Variants in UTRN observed in about 807,000 individuals in gnomAD.
UTRN encodes the protein utrophin.
UTRN carries 283 observed loss-of-function variants against 463.9 expected under a neutral mutation model. That is an observed-to-expected ratio of 0.61 (90% CI 0.55 to 0.67). UTRN has a LOEUF of 0.67. UTRN is among the 30% of genes least tolerant of loss of function. The probability of loss-of-function intolerance (pLI) is 0.00; values close to 1 mark genes in which losing one functional copy is unlikely to be tolerated. For missense variants in UTRN, 3,922 were observed against 4,084.3 expected, an observed-to-expected ratio of 0.96 and a Z score of 1.08; for synonymous variants, 1,442 against 1,431.5, an observed-to-expected ratio of 1.01 and a Z score of -0.17.
At chr6:144,639,095 T>G (rs76994076) in intron 51 of UTRN, among the ~76,000 whole-genome samples, 5 of 122,866 alleles carry the variant, frequency 4.1e-5, no homozygotes, top group Non-Finnish European at 9.2e-5. Flanking sequence ...ATAATAAAAA[T>G]AAAAGAAAAG....
intron 2 of UTRN, among the ~76,000 whole-genome samples, chr6:144,318,832 C>A (rs73588920): frequency 0.14 from 20,815 of 152,082 alleles, 4,212 homozygotes; most frequent in African/African-American, 0.44. Flanking sequence ...GCACTTTGGC[C>A]GGCGTAGGCA....
At chr6:144,830,519 A>G (rs911394439) in intron 69 of UTRN, among the ~76,000 whole-genome samples, 1 of 152,160 alleles carries the variant, frequency 6.6e-6, no homozygotes, top group Non-Finnish European at 1.5e-5. Context: ...AAACAAAAGT[A>G]ATTCTCAAAA....
At chr6:144,315,208 T>G (rs1775203673) in intron 2 of UTRN, among the ~76,000 whole-genome samples, 1 of 152,122 alleles carries the variant, frequency 6.6e-6, no homozygotes, top group Non-Finnish European at 1.5e-5. Context: ...TGCCATAGGA[T>G]GTAATTATCC....
intron 51 of UTRN, among the ~76,000 whole-genome samples, chr6:144,595,261 C>T (rs993382031): frequency 6.6e-6 from 1 of 152,134 alleles, no homozygotes; most frequent in African/African-American, 2.4e-5. Context: ...ATTTGCTATG[C>T]AGAGCTGGAG....
chr6:144,660,510 A>G (rs1221737879), intron 51 of UTRN, among the ~76,000 whole-genome samples: 2 of 152,144 alleles, frequency 1.3e-5, no homozygotes, highest in African/African-American at 4.8e-5. Context: ...AGAATTCCAC[A>G]TCAGAAGAAA....
intron 51 of UTRN, among the ~76,000 whole-genome samples, chr6:144,657,360 C>T (rs557981217): frequency 1.3e-5 from 2 of 151,452 alleles, no homozygotes; most frequent in Non-Finnish European, 2.9e-5. Flanking sequence ...TAAGTGTCAT[C>T]GTTTCTACCT....
Position 144,514,751 on chromosome 6 carries a change from T to G in UTRN, c.5175T>G (p.Leu1725=), listed in dbSNP as rs559810789. 1 of 1,614,182 alleles carries G rather than the reference T, an allele frequency of 6.2e-7. No homozygotes were observed. Among genetic ancestry groups the G allele is most frequent in the East Asian group, 2.2e-5 (1 of 44,876 alleles). The part of the protein sequence containing the change: ...MNARGSSSRE[L]VEPKLAELNR... ...CCCGTGGAAGCTCAAGCAGGGAGCT[T>G]GTAGAACCAAAGTTAGCTGAGCTGA... Residue 1725 remains leucine, a synonymous_variant, in exon 37 of 75, where the codon CTT becomes CTG. Coordinates refer to ENST00000367545, the MANE Select transcript of UTRN (RefSeq NM_007124.3).
At chr6:144,549,433 T>C (rs951181234) in intron 47 of UTRN, among the ~76,000 whole-genome samples, 10 of 152,232 alleles carry the variant, frequency 6.6e-5, no homozygotes, top group African/African-American at 2.2e-4. Context: ...TATTAAGTGC[T>C]TCATGTGTGC....
At chr6:144,744,161 A>T (rs996424795) in intron 54 of UTRN, among the ~76,000 whole-genome samples, 3 of 147,696 alleles carry the variant, frequency 2.0e-5, no homozygotes, top group Non-Finnish European at 4.5e-5. Flanking sequence ...ACTGTGGCAC[A>T]TAACTGTGAT....
chr6:144,438,883 A>G lies in UTRN; in HGVS notation c.1380A>G (p.Leu460=). The G allele has an allele frequency of 6.2e-7, 1 of 1,614,190 alleles. No individual in the cohort carries two copies. The highest frequency in any genetic ancestry group is 8.5e-7 in the Non-Finnish European group (1 of 1,180,026). ...DDDVKSLQKL[L]EEHKSLQSDL... ...ATGTAAAATCTCTACAAAAGCTGCT[A>G]GAAGAACATAAAGTAAATCTGTCTC... is the stretch of plus-strand genomic sequence containing the variant. Residue 460 remains leucine, a synonymous_variant, in exon 12 of 75, where the codon CTA becomes CTG. Coordinates refer to ENST00000367545, the MANE Select transcript of UTRN (RefSeq NM_007124.3).
chr6:144,702,751 G>A (rs985976289), intron 53 of UTRN, among the ~76,000 whole-genome samples: 1 of 152,150 alleles, frequency 6.6e-6, no homozygotes, highest in African/African-American at 2.4e-5. Flanking sequence ...GAGCACAAAG[G>A]CCACAGAGCC....
At chr6:144,645,323 A>G (rs79154926) in intron 51 of UTRN, among the ~76,000 whole-genome samples, 3,227 of 152,304 alleles carry the variant, frequency 0.021, 68 homozygotes, top group African/African-American at 0.057. Context: ...GTTCAATAGA[A>G]TTGTATCTTT....
At chr6:144,776,031 C>T (rs924763073) in intron 60 of UTRN, among the ~76,000 whole-genome samples, 6 of 152,114 alleles carry the variant, frequency 3.9e-5, no homozygotes, top group African/African-American at 9.7e-5. Flanking sequence ...TTTTTCAGAG[C>T]CAACTGACCT....
intron 21 of UTRN, 99 bp downstream of exon 21, chr6:144,459,453 A>T (rs1271854337): frequency 3.1e-6 from 4 of 1,300,388 alleles, no homozygotes; most frequent in Non-Finnish European, 3.1e-6. Flanking sequence ...GCTTTGCACC[A>T]ACCTTCTCCA....
chr6:144,824,716 C>T (rs1780006439), intron 66 of UTRN, among the ~76,000 whole-genome samples: 1 of 141,336 alleles, frequency 7.1e-6, no homozygotes, highest in African/African-American at 2.7e-5. Context: ...CAGCCTCGAC[C>T]TCCCAGGCTC....
intron 2 of UTRN, among the ~76,000 whole-genome samples, chr6:144,395,867 T>A (rs1050652073): frequency 3.3e-5 from 5 of 152,082 alleles, no homozygotes; most frequent in African/African-American, 4.8e-5. Context: ...CATTTTTTTT[T>A]AAAGGAAAAT....
rs373782252 is a variant in UTRN, at chr6:144,827,665, A to G, written c.9588A>G (p.Gln3196=). The G allele has an allele frequency of 4.3e-6, 7 of 1,613,574 alleles. No individual in the cohort carries two copies. The African/African-American group carries it at 5.3e-5, about 12-fold the overall frequency. The change falls in exon 68 of 75, where the codon CAA becomes CAG. Residue 3196 remains glutamine (Q), a synonymous_variant. Coordinates refer to ENST00000367545, the MANE Select transcript of UTRN (RefSeq NM_007124.3). ...FHDDTHSRIE[Q]YATRLAQMER... ...ATGACACCCATTCAAGAATAGAACA[A>G]TATGCCACACGGTAAGAAACTTTGA...
chr6:144,727,665 G>A (rs912632332), intron 53 of UTRN, among the ~76,000 whole-genome samples: 6 of 152,028 alleles, frequency 3.9e-5, no homozygotes, highest in East Asian at 1.9e-4. Context: ...AGGCTGAGGC[G>A]GGAGAATGGC....
intron 57 of UTRN, among the ~76,000 whole-genome samples, chr6:144,755,759 G>GTT (rs557080858): frequency 5.7e-4 from 86 of 152,034 alleles, no homozygotes; most frequent in African/African-American, 1.9e-3. Context: ...AATTATGACA[G>GTT]TTTTTTTGCA....
Sources: allele counts gnomAD v4.1 joint callset (sites outside exome capture counted in the v4.1 genomes callset), GRCh38; gene constraint gnomAD v4.1.1; transcripts MANE v1.5; gene names NCBI Gene and HGNC (gene_info 2026-07-23, HGNC 2026-07-21).